ANO3: variants seen among roughly 807,000 people sequenced by gnomAD.
The protein encoded by ANO3 is anoctamin-3.
A neutral mutation model predicts 144.8 loss-of-function variants in ANO3; 99 were observed. That is an observed-to-expected ratio of 0.68 (90% CI 0.58 to 0.81). The LOEUF is 0.81. Among genes scored for constraint, ANO3 ranks in the 30% least tolerant of loss-of-function variants. The probability of loss-of-function intolerance (pLI) is 0.00; values close to 1 mark genes in which losing one functional copy is unlikely to be tolerated. For synonymous variants in ANO3, 414 were observed against 392.6 expected (o/e 1.05, Z -0.64); for missense variants, 905 against 1,202.2 (o/e 0.75, Z 3.66).
At chr11:26,320,521 T>C (rs1026615079) in intron 1 of ANO3, among the ~76,000 whole-genome samples, 3 of 152,180 alleles carry the variant, frequency 2.0e-5, no homozygotes, top group African/African-American at 7.2e-5. Flanking sequence ...TAGATCTTCG[T>C]TTACTTTTTA....
chr11:26,380,572 C>T (rs1254230094), intron 1 of ANO3, among the ~76,000 whole-genome samples: 1 of 152,112 alleles, frequency 6.6e-6, no homozygotes, highest in Non-Finnish European at 1.5e-5. Flanking sequence ...TCCCTGAAAC[C>T]TCTTTTACAT....
intron 1 of ANO3, among the ~76,000 whole-genome samples, chr11:26,244,973 T>G (rs1852749813): frequency 9.1e-6 from 1 of 110,432 alleles, no homozygotes; most frequent in African/African-American, 3.2e-5. Flanking sequence ...TCTGGTCTCC[T>G]GGTGTGTGTG....
At chr11:26,350,938 C>A (rs769929271) in intron 1 of ANO3, among the ~76,000 whole-genome samples, 2 of 152,068 alleles carry the variant, frequency 1.3e-5, no homozygotes, top group Admixed American at 6.5e-5. Context: ...TAATTTCCAG[C>A]AATTATATAT....
At chr11:26,435,352 T>G (rs1194350704) in intron 1 of ANO3, among the ~76,000 whole-genome samples, 1 of 152,158 alleles carries the variant, frequency 6.6e-6, no homozygotes, top group African/African-American at 2.4e-5. Context: ...GCCTTTAACA[T>G]TCTTTCATTT....
At chr11:26,597,756 G>A (rs367567573) in intron 14 of ANO3, among the ~76,000 whole-genome samples, 34 of 152,158 alleles carry the variant, frequency 2.2e-4, no homozygotes, top group African/African-American at 7.7e-4. Flanking sequence ...GATAGAGCCC[G>A]TCTAGAAAAA....
At chr11:26,559,466 A>T (rs539115084) in intron 13 of ANO3, 2 of 355,824 alleles carry the variant, frequency 5.6e-6, no homozygotes, top group South Asian at 1.7e-4. Context: ...TATAATCAGA[A>T]ATGATGGTGG....
intron 11 of ANO3, 44 bp from the exon 12 acceptor site, chr11:26,547,372 T>C: frequency 6.3e-7 from 1 of 1,591,010 alleles, no homozygotes; most frequent in African/African-American, 1.3e-5. Context: ...GTAATATTGC[T>C]TATGTTGCCT....
intron 1 of ANO3, among the ~76,000 whole-genome samples, chr11:26,227,098 G>A (rs1852272552): frequency 6.6e-6 from 1 of 152,012 alleles, no homozygotes; most frequent in East Asian, 1.9e-4. Context: ...ATGTCTTTAG[G>A]ATTCAACCAT....
intron 1 of ANO3, among the ~76,000 whole-genome samples, chr11:26,354,870 A>G (rs1855737994): frequency 6.6e-6 from 1 of 152,026 alleles, no homozygotes; most frequent in Admixed American, 6.6e-5. Context: ...CTCCTCAGGT[A>G]AGATTTTTTT....
At position 26,502,795 on chromosome 11, in the gene ANO3, T is replaced by G. The variant is rs577768353; in HGVS notation, c.433-5309T>G. On this transcript the variant is annotated intron_variant, in intron 4 of 26. Coordinates refer to ENST00000256737, the MANE Select transcript of ANO3 (RefSeq NM_031418.4). ...TCTTATTTTCTTTAGCCCTACAGTT[T>G]AGCACACAGGTGTTAAATGATGCTT... Among the ~76,000 whole-genome samples the G allele has an allele frequency of 4.0e-3, 601 of 150,908 alleles. 3 individuals carry two copies. Among genetic ancestry groups the G allele is most frequent in the Middle Eastern group, 6.8e-3 (2 of 294 alleles).
intron 1 of ANO3, among the ~76,000 whole-genome samples, chr11:26,311,796 A>G (rs1590251941): frequency 1.3e-5 from 2 of 152,156 alleles, no homozygotes; most frequent in African/African-American, 2.4e-5. Flanking sequence ...TGAGTTTTCT[A>G]GGGAATTGAT....
At chr11:26,647,924 G>A in intron 24 of ANO3, 68 bp downstream of exon 24, 1 of 1,475,672 alleles carries the variant, frequency 6.8e-7, no homozygotes. Context: ...ATCTTACTGG[G>A]AAGTTTTGTT....
chr11:26,588,741 C>A (rs1851359100), intron 14 of ANO3, among the ~76,000 whole-genome samples: 1 of 152,140 alleles, frequency 6.6e-6, no homozygotes, highest in South Asian at 2.1e-4. Context: ...CCTTAAGTCC[C>A]AGCCTAGGAA....
At position 26,643,111 on chromosome 11, in the gene ANO3, A is replaced by G. The variant is rs1241167843; in HGVS notation, c.2276-71A>G. On this transcript the variant is annotated intron_variant, in intron 22 of 26. Coordinates refer to ENST00000256737, the MANE Select transcript of ANO3 (RefSeq NM_031418.4). ...AAGGATGTTGAAAGCATTAAAAGCA[A>G]TTTATATAAAGCACCAAATTTGTCA... 2.1e-6 allele frequency: 3 copies of G among 1,449,360 alleles called. No homozygotes were observed. In the Admixed American group the frequency reaches 5.5e-5, roughly 27 times the overall value. 89.8% of individuals were successfully genotyped at this position (1,449,360 alleles called of 1,614,324 possible). A position where few individuals can be genotyped will look rare whatever the true frequency, so the allele number is the denominator to read the frequency against.
chr11:26,577,608 T>C (rs1321566779), intron 14 of ANO3, among the ~76,000 whole-genome samples: 1 of 150,990 alleles, frequency 6.6e-6, no homozygotes, highest in African/African-American at 2.4e-5. Flanking sequence ...TATTACAGCA[T>C]GGCAGCCTCA....
chr11:26,615,414 A>ATTTTT (rs66840659), intron 17 of ANO3, among the ~76,000 whole-genome samples: 3 of 130,686 alleles, frequency 2.3e-5, no homozygotes, highest in African/African-American at 6.0e-5. Flanking sequence ...ATATATATAT[A>ATTTTT]TTTTTTTTTT....
At chr11:26,421,663 T>G (rs1857755812) in intron 1 of ANO3, among the ~76,000 whole-genome samples, 1 of 152,048 alleles carries the variant, frequency 6.6e-6, no homozygotes, top group African/African-American at 2.4e-5. Flanking sequence ...CAAGCACATG[T>G]ATGTTCATTG....
At chr11:26,443,721 T>G (rs771986621) in intron 2 of ANO3, 44 bp from the exon 3 acceptor site, 1 of 1,230,126 alleles carries the variant, frequency 8.1e-7, no homozygotes, top group South Asian at 1.4e-5. Flanking sequence ...TCTGTTGTTA[T>G]GCTTTTATTT....
chr11:26,387,626 C>T (rs1409817116), intron 1 of ANO3, among the ~76,000 whole-genome samples: 1 of 152,016 alleles, frequency 6.6e-6, no homozygotes, highest in Non-Finnish European at 1.5e-5. Flanking sequence ...TTTCCAATAT[C>T]TAAAATTTTT....
Sources: allele counts gnomAD v4.1 joint callset (sites outside exome capture counted in the v4.1 genomes callset), GRCh38; gene constraint gnomAD v4.1.1; transcripts MANE v1.5; gene names NCBI Gene and HGNC (gene_info 2026-07-23, HGNC 2026-07-21).